MLEC: variants seen among roughly 807,000 people sequenced by gnomAD.
The protein encoded by MLEC is oligosaccharyltransferase complex subunit (non-catalytic).
A neutral mutation model predicts 28.7 loss-of-function variants in MLEC; 7 were observed. The ratio of observed to expected loss-of-function variants is 0.24; its 90% CI spans 0.14 to 0.46. The LOEUF (loss-of-function observed/expected upper bound fraction) is 0.46, where lower values mean the gene tolerates loss of function less well. MLEC is among the 20% of genes least tolerant of loss of function. MLEC has a pLI of 0.99. For synonymous variants in MLEC, 142 were observed against 164.4 expected (o/e 0.86, Z 1.04); for missense variants, 237 against 391.1 (o/e 0.61, Z 3.32).
At position 120,697,086 on chromosome 12, in the gene MLEC, A is replaced by G. The variant is rs1882272526; in HGVS notation, c.*541A>G. 1 of 153,332 alleles carries G rather than the reference A, an allele frequency of 6.5e-6. No individual in the cohort carries two copies. 9.5% of individuals were successfully genotyped at this position (153,332 alleles called of 1,614,324 possible). A position where few individuals can be genotyped will look rare whatever the true frequency, so the allele number is the denominator to read the frequency against. On this transcript the variant is annotated 3_prime_UTR_variant, in exon 5 of 5. Transcript: ENST00000228506. This position sits in a 1 kb window ranked among gnomAD's most constrained non-coding sequence, Gnocchi z 4.8. ...TAGGGAGATTAAAAAAAAAGAAAGAAAATGCTTCCTTATCTGGAAGCCTTT... is the reference window on the plus strand; with the variant it reads ...TAGGGAGATTAAAAAAAAAGAAAGAGAATGCTTCCTTATCTGGAAGCCTTT...
Position 120,694,953 on chromosome 12 carries a change from G to T in MLEC, c.544G>T (p.Gly182Trp), listed in dbSNP as rs149868910. 2 of 1,614,210 alleles carry T rather than the reference G, an allele frequency of 1.2e-6. No individual in the cohort carries two copies. Among genetic ancestry groups the T allele is most frequent in the Non-Finnish European group, 1.7e-6 (2 of 1,180,032 alleles). ...SIRKGKLSVQ[G>W]EVSTFTGKLY... ...CAGAAAGGGGAAGCTGAGTGTCCAGGGGGAGGTGTCCACCTTCACAGGGAA... is the reference window on the plus strand; with the variant it reads ...CAGAAAGGGGAAGCTGAGTGTCCAGTGGGAGGTGTCCACCTTCACAGGGAA... Residue 182 changes from glycine (G) to tryptophan (W), a missense_variant, in exon 3 of 5, where the codon GGG becomes TGG. Physicochemically the swap from Gly to Trp is radical, Grantham distance 184. Transcript: ENST00000228506. The surrounding 1 kb of genome is among the most constrained non-coding windows in gnomAD (Gnocchi z 4.5).
intron 1 of MLEC, among the ~76,000 whole-genome samples, chr12:120,693,749 T>A (rs1375868384): frequency 1.3e-5 from 2 of 152,228 alleles, no homozygotes; most frequent in Non-Finnish European, 2.9e-5. Flanking sequence ...ACCAGGCAGC[T>A]GCAACACAGC....
At position 120,695,145 on chromosome 12, in the gene MLEC, A is replaced by G; in HGVS notation, c.642A>G (p.Thr214=). The G allele has an allele frequency of 6.2e-7, 1 of 1,614,122 alleles. No homozygotes were observed. ...KVCALYIMAG[T]VDDVPKLQPH... ...GTGCACTCTACATCATGGCTGGGAC[A>G]GTGGATGGTAGGTTGTGTTCTGACC... The change falls in exon 4 of 5, where the codon ACA becomes ACG. Residue 214 remains threonine, a synonymous_variant. Transcript: ENST00000228506.
Position 120,687,258 on chromosome 12 carries a change from C to A in MLEC, c.-39C>A. On this transcript the variant is annotated 5_prime_UTR_variant, in exon 1 of 5. Transcript: ENST00000228506. This position sits in a 1 kb window ranked among gnomAD's most constrained non-coding sequence, Gnocchi z 8.1. ...GGGTGGCCTGGCAGCCGGCCGAGGACGAGGGTCGGCGGGGGCTGCCCCCGT... is the reference window on the plus strand; with the variant it reads ...GGGTGGCCTGGCAGCCGGCCGAGGAAGAGGGTCGGCGGGGGCTGCCCCCGT... 1 of 1,364,276 alleles carries A rather than the reference C, an allele frequency of 7.3e-7. No individual in the cohort carries two copies. Among genetic ancestry groups the A allele is most frequent in the South Asian group, 1.8e-5 (1 of 54,682 alleles). 84.5% of individuals were successfully genotyped at this position (1,364,276 alleles called of 1,614,324 possible).
rs1433171277 is a variant in MLEC at position 120,696,907 on chromosome 12, CA to C, written c.*363del. 1 of 235,554 alleles carries C rather than the reference CA, an allele frequency of 4.2e-6. No homozygotes were observed. The allele number at this position is 235,554 out of a possible 1,614,324, so 14.6% of individuals were successfully genotyped here. On this transcript the variant is annotated 3_prime_UTR_variant, in exon 5 of 5. Transcript: ENST00000228506. The surrounding 1 kb of genome is among the most constrained non-coding windows in gnomAD (Gnocchi z 5.4). ...TTCCTTTTTTTAGGTTAGAAATTAA[CA>C]GCAGGGAAATGCCATCTTATTACCT...
Position 120,696,499 on chromosome 12 carries a change from C to A in MLEC, c.833C>A (p.Ala278Asp). ...AGCCTCATGTTTCCCATCCTGGTGG[C>A]CTTCGGAGTCTTCATTCCAACCCTC... ...NSSLMFPILVAFGVFIPTLFC... is the reference protein window; with the variant it reads ...NSSLMFPILVDFGVFIPTLFC... The change falls in exon 5 of 5, where the codon GCC (alanine) becomes GAC (aspartate). Residue 278 changes from alanine to aspartate, a missense_variant. Coordinates refer to ENST00000228506, the MANE Select transcript of MLEC (RefSeq NM_014730.4). This position sits in a 1 kb window ranked among gnomAD's most constrained non-coding sequence, Gnocchi z 5.4. The A allele has an allele frequency of 6.2e-7, 1 of 1,614,142 alleles. No individual in the cohort carries two copies. Among genetic ancestry groups the A allele is most frequent in the Non-Finnish European group, 8.5e-7 (1 of 1,180,030 alleles).
rs1882162157 is a variant in MLEC, at chr12:120,694,694, T to C, written c.415-130T>C. 3 of 898,218 alleles carry C rather than the reference T, an allele frequency of 3.3e-6. No homozygotes were observed. The South Asian group carries it at 5.1e-5, about 15-fold the overall frequency. The allele number at this position is 898,218 out of a possible 1,614,324, so 55.6% of individuals were successfully genotyped here. A position where few individuals can be genotyped will look rare whatever the true frequency, so the allele number is the denominator to read the frequency against. On this transcript the variant is annotated intron_variant, in intron 2 of 4. Coordinates refer to ENST00000228506, the MANE Select transcript of MLEC (RefSeq NM_014730.4). The surrounding 1 kb of genome is among the most constrained non-coding windows in gnomAD (Gnocchi z 4.5). Reference sequence around the variant, plus strand: ...CCCGGGTTAAGGATGCTAACCACCCTGGATATCCAGACCCATCATTTCTTA... The same window carrying C: ...CCCGGGTTAAGGATGCTAACCACCCCGGATATCCAGACCCATCATTTCTTA...
chr12:120,691,629 G>GA (rs1473914026), intron 1 of MLEC, among the ~76,000 whole-genome samples: 2 of 152,244 alleles, frequency 1.3e-5, no homozygotes, highest in Admixed American at 1.3e-4. Context: ...AAAGGCTAAG[G>GA]AGGGAGGAAC....
chr12:120,691,418 C>G (rs1324404307), intron 1 of MLEC, among the ~76,000 whole-genome samples: 1 of 152,226 alleles, frequency 6.6e-6, no homozygotes, highest in African/African-American at 2.4e-5. Flanking sequence ...AGTGACACTT[C>G]GTGTATGTCT....
rs989662441 is a variant in MLEC, at chr12:120,694,708, C to T, written c.415-116C>T. 29 of 1,014,126 alleles carry T rather than the reference C, an allele frequency of 2.9e-5. 1 individual carries two copies. The South Asian group carries it at 2.9e-4, about 10-fold the overall frequency. The allele number at this position is 1,014,126 out of a possible 1,614,324, so 62.8% of individuals were successfully genotyped here. A position where few individuals can be genotyped will look rare whatever the true frequency, so the allele number is the denominator to read the frequency against. Reference sequence around the variant, plus strand: ...GCTAACCACCCTGGATATCCAGACCCATCATTTCTTAAATTATTTTTGAAC... The same window carrying T: ...GCTAACCACCCTGGATATCCAGACCTATCATTTCTTAAATTATTTTTGAAC... On this transcript the variant is annotated intron_variant, in intron 2 of 4. Transcript: ENST00000228506. This position sits in a 1 kb window ranked among gnomAD's most constrained non-coding sequence, Gnocchi z 4.5.
intron 4 of MLEC, among the ~76,000 whole-genome samples, chr12:120,695,585 C>T (rs774770787): frequency 6.6e-6 from 1 of 152,208 alleles, no homozygotes; most frequent in African/African-American, 2.4e-5. Context: ...CTGGACTGCA[C>T]TGGGACAAAA....
chr12:120,695,068 G>T lies in MLEC; in HGVS notation c.592-27G>T, dbSNP rs778348740. The T allele has an allele frequency of 1.4e-5, 22 of 1,614,114 alleles. No homozygotes were observed. In the South Asian group the frequency reaches 2.2e-4, roughly 16 times the overall value. On this transcript the variant is annotated intron_variant, in intron 3 of 4. Transcript: ENST00000228506. ...GGGGAAGTTGTTTGCTGCTGTGTGG[G>T]GTTGACCACTGTTTCCCTTTTCCTA...
At chr12:120,695,048 A>C in intron 3 of MLEC, 47 bp from the exon 4 acceptor site, 1 of 1,614,040 alleles carries the variant, frequency 6.2e-7, no homozygotes, top group Middle Eastern at 1.6e-4. Context: ...GTACAGGGGA[A>C]GTTGTTTGCT....
Position 120,701,228 on chromosome 12 carries a change from A to G in MLEC, c.*4683A>G, listed in dbSNP as rs761804778. 2 of 152,332 alleles carry G rather than the reference A, an allele frequency of 1.3e-5. No individual in the cohort carries two copies. The highest frequency in any genetic ancestry group is 2.9e-5 in the Non-Finnish European group (2 of 68,066). 9.4% of individuals were successfully genotyped at this position (152,332 alleles called of 1,614,324 possible). A position where few individuals can be genotyped will look rare whatever the true frequency, so the allele number is the denominator to read the frequency against. On this transcript the variant is annotated 3_prime_UTR_variant, in exon 5 of 5. Transcript: ENST00000228506. This position sits in a 1 kb window ranked among gnomAD's most constrained non-coding sequence, Gnocchi z 4.0. ...TGAAGTGCGCTTTCCGTCCTTTCAA[A>G]GGACAACTGTCGGGAAGGGAGAGCC... is the stretch of plus-strand genomic sequence containing the variant.
chr12:120,689,857 A>T (rs1401308844), intron 1 of MLEC, among the ~76,000 whole-genome samples: 1 of 152,202 alleles, frequency 6.6e-6, no homozygotes, highest in South Asian at 2.1e-4. Context: ...GGTATTTGTT[A>T]CCAAGTTAGT....
In MLEC at chr12:120,699,847, T is replaced by C. The variant is rs1016584948; in HGVS notation, c.*3302T>C. On this transcript the variant is annotated 3_prime_UTR_variant, in exon 5 of 5. Coordinates refer to ENST00000228506, the MANE Select transcript of MLEC (RefSeq NM_014730.4). ...TTAGGCTTTGATGAGAGGGCACAGTTTGAGTTAGGTTTACCTCCCCCTTTC... is the reference window on the plus strand; with the variant it reads ...TTAGGCTTTGATGAGAGGGCACAGTCTGAGTTAGGTTTACCTCCCCCTTTC... 1 of 152,634 alleles carries C rather than the reference T, an allele frequency of 6.6e-6. No homozygotes were observed. Among genetic ancestry groups the C allele is most frequent in the Non-Finnish European group, 1.5e-5 (1 of 68,048 alleles). 9.5% of individuals were successfully genotyped at this position (152,634 alleles called of 1,614,324 possible).
Position 120,687,467 on chromosome 12 carries a change from G to A in MLEC, c.171G>A (p.Glu57=), listed in dbSNP as rs774342490. 7.0e-7 allele frequency: 1 copy of A among 1,423,152 alleles called. No homozygotes were observed. The highest frequency in any genetic ancestry group is 1.7e-5 in the South Asian group (1 of 59,858). 88.2% of individuals were successfully genotyped at this position (1,423,152 alleles called of 1,614,324 possible). A position where few individuals can be genotyped will look rare whatever the true frequency, so the allele number is the denominator to read the frequency against. The change falls in exon 1 of 5, where the codon GAG becomes GAA. Residue 57 remains glutamate (E), a synonymous_variant. Coordinates refer to ENST00000228506, the MANE Select transcript of MLEC (RefSeq NM_014730.4). This position sits in a 1 kb window ranked among gnomAD's most constrained non-coding sequence, Gnocchi z 8.1. ...SVIWAVNAGG[E]AHVDVHGIHF... ...TTTGGGCGGTCAACGCGGGTGGAGA[G>A]GCGCATGTGGACGTGCACGGGATCC...
At chr12:120,692,206 C>T (rs1299350401) in intron 1 of MLEC, among the ~76,000 whole-genome samples, 4 of 152,136 alleles carry the variant, frequency 2.6e-5, no homozygotes, top group Admixed American at 2.0e-4. Flanking sequence ...CACCCATGCA[C>T]AAAATTTTCT....
rs780464894 is a variant in MLEC, at chr12:120,687,415, C to A, written c.119C>A (p.Ala40Glu). The A allele has an allele frequency of 7.2e-7, 1 of 1,391,400 alleles. No homozygotes were observed. The highest frequency in any genetic ancestry group is 9.3e-7 in the Non-Finnish European group (1 of 1,074,042). The allele number at this position is 1,391,400 out of a possible 1,614,324, so 86.2% of individuals were successfully genotyped here. A position where few individuals can be genotyped will look rare whatever the true frequency, so the allele number is the denominator to read the frequency against. Residue 40 changes from alanine (A) to glutamate (E), a missense_variant, in exon 1 of 5, where the codon GCG becomes GAG. Coordinates refer to ENST00000228506, the MANE Select transcript of MLEC (RefSeq NM_014730.4). This position sits in a 1 kb window ranked among gnomAD's most constrained non-coding sequence, Gnocchi z 8.1. The stretch of plus-strand genomic sequence containing the variant: ...GGCGTGGCCGGCGTGGCCGGCGCGG[C>A]GGGGGCCGGGCTGCCCGAGAGCGTC... ...GLGVAGVAGA[A>E]GAGLPESVIW... is the part of the protein sequence containing the mutation.
Sources: allele counts gnomAD v4.1 joint callset (sites outside exome capture counted in the v4.1 genomes callset), GRCh38; gene constraint gnomAD v4.1.1; non-coding constraint Gnocchi (gnomAD v3.1); transcripts MANE v1.5; gene names NCBI Gene and HGNC (gene_info 2026-07-23, HGNC 2026-07-21).